The following PJA2 variants were observed in gnomAD, a reference collection of about 807,000 sequenced individuals.
PJA2 encodes E3 ubiquitin-protein ligase Praja-2.
In PJA2, 25 loss-of-function variants were observed where a neutral mutation model predicts 69.3. That is an observed-to-expected ratio of 0.36 (90% CI 0.26 to 0.50). The LOEUF (loss-of-function observed/expected upper bound fraction) is 0.50, where lower values mean the gene tolerates loss of function less well. PJA2 is among the 20% of genes least tolerant of loss of function. PJA2 has a pLI of 0.96. For missense variants in PJA2, 809 were observed against 830.2 expected, an observed-to-expected ratio of 0.97 and a Z score of 0.31; for synonymous variants, 308 against 277.8, an observed-to-expected ratio of 1.11 and a Z score of -1.08.
At chr5:109,358,019 C>T (rs372645840) in intron 6 of PJA2, among the ~76,000 whole-genome samples, 13 of 152,342 alleles carry the variant, frequency 8.5e-5, no homozygotes, top group Admixed American at 3.9e-4. Context: ...CTGTTTCAGG[C>T]TGGGTGTGGT....
intron 2 of PJA2, among the ~76,000 whole-genome samples, chr5:109,381,926 AAT>A (rs796407506): frequency 1.4e-4 from 22 of 152,292 alleles, no homozygotes; most frequent in African/African-American, 5.3e-4. Context: ...CCCTTCAAAA[AAT>A]ATGTTTTAAA....
At chr5:109,373,342 A>T (rs977837291) in intron 4 of PJA2, among the ~76,000 whole-genome samples, 11 of 152,190 alleles carry the variant, frequency 7.2e-5, no homozygotes, top group African/African-American at 2.7e-4. Flanking sequence ...AGTGTCAGAA[A>T]TAACTAGAGG....
chr5:109,398,890 A>G (rs1401467892), intron 1 of PJA2, among the ~76,000 whole-genome samples: 2 of 152,140 alleles, frequency 1.3e-5, no homozygotes, highest in Non-Finnish European at 2.9e-5. Context: ...CTGGGGAAGG[A>G]GCAGAAAATC....
intron 5 of PJA2, among the ~76,000 whole-genome samples, chr5:109,368,357 T>C (rs1762619849): frequency 6.6e-6 from 1 of 152,188 alleles, no homozygotes; most frequent in Admixed American, 6.5e-5. Flanking sequence ...ATATATTGTA[T>C]CTCCATAAAC....
intron 7 of PJA2, among the ~76,000 whole-genome samples, chr5:109,347,075 C>T (rs1385419423): frequency 6.6e-6 from 1 of 151,954 alleles, no homozygotes. Flanking sequence ...AAAATCAGGA[C>T]TAAAAAAGGA....
At chr5:109,367,133 CAA>C (rs1163494179) in intron 5 of PJA2, among the ~76,000 whole-genome samples, 4 of 131,556 alleles carry the variant, frequency 3.0e-5, no homozygotes, top group Admixed American at 7.6e-5. Flanking sequence ...GACTCCGTCT[CAA>C]AAAAAAAAAT....
In PJA2 at chr5:109,336,725, T is replaced by C. The variant is rs932003964; in HGVS notation, c.*506A>G. ...TCTAATTTTAAACAAAAATGGACTT[T>C]CTGAAAAATTTCTCAGCATATGAAC... On this transcript the variant is annotated 3_prime_UTR_variant, in exon 10 of 10. Coordinates refer to ENST00000361189, the MANE Select transcript of PJA2 (RefSeq NM_014819.5). 1.3e-5 allele frequency: 2 copies of C among 152,230 alleles called. No homozygotes were observed. The highest frequency in any genetic ancestry group is 4.8e-5 in the African/African-American group (2 of 41,442). The allele number at this position is 152,230 out of a possible 1,614,324, so 9.4% of individuals were successfully genotyped here. A position where few individuals can be genotyped will look rare whatever the true frequency, so the allele number is the denominator to read the frequency against.
intron 9 of PJA2, among the ~76,000 whole-genome samples, chr5:109,342,418 G>A (rs1762086827): frequency 2.3e-5 from 3 of 130,198 alleles, no homozygotes; most frequent in Non-Finnish European, 5.0e-5. Flanking sequence ...CGGTCCGGGA[G>A]GGAGGTGGGG....
At chr5:109,406,975 C>CA in intron 1 of PJA2, among the ~76,000 whole-genome samples, 1 of 152,190 alleles carries the variant, frequency 6.6e-6, no homozygotes, top group South Asian at 2.1e-4. Flanking sequence ...AAATTCTAGA[C>CA]AAAATGATAC....
At chr5:109,342,056 G>A (rs2126985239) in intron 9 of PJA2, among the ~76,000 whole-genome samples, 1 of 134,542 alleles carries the variant, frequency 7.4e-6, no homozygotes, top group Non-Finnish European at 1.7e-5. Context: ...AGGTGGGGGG[G>A]TCAGCCCTCC....
At chr5:109,383,718 A>C (rs1404621901) in intron 1 of PJA2, among the ~76,000 whole-genome samples, 198 bp from the exon 2 acceptor site, 1 of 152,178 alleles carries the variant, frequency 6.6e-6, no homozygotes, top group Admixed American at 6.5e-5. Context: ...AATCAGTTTG[A>C]GCTCAGGAAT....
At chr5:109,381,275 G>C (rs1747041713) in intron 3 of PJA2, among the ~76,000 whole-genome samples, 2 of 152,068 alleles carry the variant, frequency 1.3e-5, no homozygotes, top group African/African-American at 2.4e-5. Context: ...ACTACTATGA[G>C]AGTGTGGTTA....
At chr5:109,398,864 T>G (rs115034807) in intron 1 of PJA2, among the ~76,000 whole-genome samples, 2,239 of 152,156 alleles carry the variant, frequency 0.015, 27 homozygotes, top group Non-Finnish European at 0.023. Context: ...ACCAGTACAC[T>G]GAAGATTTGC....
At chr5:109,354,338 A>T (rs1213172663) in intron 7 of PJA2, among the ~76,000 whole-genome samples, 8 of 143,102 alleles carry the variant, frequency 5.6e-5, no homozygotes, top group African/African-American at 1.7e-4. Flanking sequence ...ATATCTAGAG[A>T]TATCTATAGA....
intron 1 of PJA2, among the ~76,000 whole-genome samples, chr5:109,402,468 C>T (rs1747576718): frequency 6.6e-6 from 1 of 152,092 alleles, no homozygotes; most frequent in Admixed American, 6.6e-5. Context: ...TTAAGGGGTT[C>T]ATTCACCAAA....
At chr5:109,370,890 A>G (rs1331872848) in intron 4 of PJA2, among the ~76,000 whole-genome samples, 1 of 152,224 alleles carries the variant, frequency 6.6e-6, no homozygotes, top group Non-Finnish European at 1.5e-5. Flanking sequence ...GTCCAAAGAG[A>G]TAACATTAAA....
At chr5:109,378,102 A>C in intron 4 of PJA2, 102 bp downstream of exon 4, 1 of 788,054 alleles carries the variant, frequency 1.3e-6, no homozygotes, top group Non-Finnish European at 2.0e-6. Flanking sequence ...CAAAATGTCT[A>C]ATTCCCTGAT....
chr5:109,354,535 TCTATA>T, intron 7 of PJA2, among the ~76,000 whole-genome samples: 2 of 40,418 alleles, frequency 4.9e-5, no homozygotes, highest in African/African-American at 1.2e-4. Context: ...ATCTATAATA[TCTATA>T]GATATCTATA....
At chr5:109,380,803 T>C (rs1177654594) in intron 3 of PJA2, among the ~76,000 whole-genome samples, 8 of 30,324 alleles carry the variant, frequency 2.6e-4, no homozygotes, top group Admixed American at 9.3e-4. Flanking sequence ...AGATTCCATC[T>C]CAAAAAAAAA....
Sources: gnomAD v4.1 joint callset for allele counts (sites outside exome capture counted in the v4.1 genomes callset) on GRCh38, gnomAD v4.1.1 for gene constraint, MANE v1.5 for transcripts, NCBI Gene and HGNC (gene_info 2026-07-23, HGNC 2026-07-21) for gene names.